CFTR: variants seen among roughly 807,000 people sequenced by gnomAD.
CFTR encodes cystic fibrosis transmembrane conductance regulator.
Under a neutral mutation model 171.6 loss-of-function variants are expected in CFTR, and 181 were observed. That is an observed-to-expected ratio of 1.05 (90% CI 0.93 to 1.19). The LOEUF (loss-of-function observed/expected upper bound fraction) is 1.19. CFTR is among the 50% of genes most tolerant of loss of function. The pLI, the probability that CFTR is intolerant of heterozygous loss-of-function variation, is 0.00. For synonymous variants in CFTR, 583 were observed against 608.0 expected (o/e 0.96, Z 0.60); for missense variants, 1,968 against 1,734.7 (o/e 1.13, Z -2.39).
chr7:117,536,719 A>C, intron 7 of CFTR, 46 bp downstream of exon 7: 1 of 1,510,566 alleles, frequency 6.6e-7, no homozygotes, highest in Non-Finnish European at 9.1e-7. Context: ...TTCTGTCCTT[A>C]ATTTTTTAAA....
intron 17 of CFTR, among the ~76,000 whole-genome samples, chr7:117,605,964 T>C (rs1792293526): frequency 6.6e-6 from 1 of 152,210 alleles, no homozygotes; most frequent in Non-Finnish European, 1.5e-5. Context: ...TTAATTCCTG[T>C]CTAGACAATG....
chr7:117,565,698 T>G (rs1791591008), intron 11 of CFTR, among the ~76,000 whole-genome samples: 1 of 152,156 alleles, frequency 6.6e-6, no homozygotes, highest in Non-Finnish European at 1.5e-5. Context: ...AAAAATTTAT[T>G]TACAGTGTAA....
chr7:117,542,162 G>A, intron 9 of CFTR, 54 bp downstream of exon 9: 1 of 855,980 alleles, frequency 1.2e-6, no homozygotes, highest in Non-Finnish European at 2.0e-6. Context: ...TTTCTTCTTT[G>A]TGAATATGGA....
intron 24 of CFTR, among the ~76,000 whole-genome samples, chr7:117,660,014 T>C (rs1304828593): frequency 3.3e-5 from 5 of 150,428 alleles, no homozygotes; most frequent in African/African-American, 1.2e-4. Context: ...TTTGAATCCT[T>C]TACAAACTCT....
intron 1 of CFTR, among the ~76,000 whole-genome samples, chr7:117,480,566 A>G (rs955866201): frequency 1.3e-5 from 2 of 152,196 alleles, no homozygotes; most frequent in African/African-American, 4.8e-5. Context: ...AAGTGCTCAG[A>G]AAACATTTCT....
chr7:117,544,127 A>C (rs1179708060), intron 9 of CFTR, among the ~76,000 whole-genome samples: 1 of 152,110 alleles, frequency 6.6e-6, no homozygotes, highest in East Asian at 1.9e-4. Flanking sequence ...AAGAACAATA[A>C]TTTTATTCTC....
rs397508643 is a variant in CFTR, at chr7:117,652,890, G to T, written c.3922G>T (p.Glu1308Ter). 2 of 1,605,994 alleles carry T rather than the reference G, an allele frequency of 1.2e-6. No homozygotes were observed. The highest frequency in any genetic ancestry group is 1.7e-5 in the Admixed American group (1 of 59,904). ...GTFRKNLDPY[E>*]QWSDQEIWKV... ...ATTTAGAAAAAACTTGGATCCCTATGAACAGTGGAGTGATCAAGAAATATG... is the reference window on the plus strand; with the variant it reads ...ATTTAGAAAAAACTTGGATCCCTATTAACAGTGGAGTGATCAAGAAATATG... The change falls in exon 24 of 27, where the codon GAA becomes TAA. Residue 1308 changes from glutamate to a stop codon, truncating the protein, a stop_gained. Coordinates refer to ENST00000003084, the MANE Select transcript of CFTR (RefSeq NM_000492.4). LOFTEE classifies it high-confidence loss of function.
intron 14 of CFTR, among the ~76,000 whole-genome samples, chr7:117,592,869 T>C (rs139800122): frequency 7.9e-5 from 12 of 152,188 alleles, no homozygotes; most frequent in African/African-American, 2.9e-4. Context: ...TCTCTTCCCA[T>C]AAAATGGGAA....
intron 3 of CFTR, among the ~76,000 whole-genome samples, chr7:117,524,767 G>A (rs1317765278): frequency 6.6e-6 from 1 of 152,152 alleles, no homozygotes; most frequent in Non-Finnish European, 1.5e-5. Context: ...TATGGCAATG[G>A]GCAAATATCC....
chr7:117,661,958 C>T (rs1793294826), intron 24 of CFTR, among the ~76,000 whole-genome samples: 1 of 142,004 alleles, frequency 7.0e-6, no homozygotes, highest in Non-Finnish European at 1.5e-5. Context: ...TTAAGCCAGA[C>T]CTTTTCTTGC....
chr7:117,556,145 A>G (rs1799349045), intron 10 of CFTR, among the ~76,000 whole-genome samples: 1 of 152,014 alleles, frequency 6.6e-6, no homozygotes, highest in African/African-American at 2.4e-5. Flanking sequence ...GCTCACTGCA[A>G]CCTCTGCCTC....
At chr7:117,515,161 C>G (rs1294194152) in intron 3 of CFTR, among the ~76,000 whole-genome samples, 1 of 152,120 alleles carries the variant, frequency 6.6e-6, no homozygotes, top group Non-Finnish European at 1.5e-5. Flanking sequence ...TTAATTAGAT[C>G]CAATTTGTCA....
chr7:117,523,523 C>T (rs918971977), intron 3 of CFTR, among the ~76,000 whole-genome samples: 1 of 151,952 alleles, frequency 6.6e-6, no homozygotes, highest in African/African-American at 2.4e-5. Flanking sequence ...ACTACAGGCG[C>T]CCGCCTCCAC....
chr7:117,551,815 C>T (rs1370154919), intron 10 of CFTR, among the ~76,000 whole-genome samples: 1 of 152,144 alleles, frequency 6.6e-6, no homozygotes, highest in African/African-American at 2.4e-5. Context: ...TTCAGTCCTT[C>T]TGTTGTCTGC....
chr7:117,601,376 A>G (rs1316521277), intron 15 of CFTR, among the ~76,000 whole-genome samples: 1 of 152,168 alleles, frequency 6.6e-6, no homozygotes, highest in African/African-American at 2.4e-5. Flanking sequence ...ACAATGAAGA[A>G]AAGTAGGAAA....
At chr7:117,587,914 C>A in intron 12 of CFTR, 81 bp downstream of exon 12, 1 of 861,478 alleles carries the variant, frequency 1.2e-6, no homozygotes, top group Non-Finnish European at 2.0e-6. Context: ...TTCTCTATTG[C>A]TTTATATTCT....
intron 24 of CFTR, among the ~76,000 whole-genome samples, chr7:117,660,665 T>TATGTG (rs1485375422): frequency 1.2e-4 from 18 of 146,276 alleles, no homozygotes; most frequent in African/African-American, 4.5e-4. Flanking sequence ...TGGGGATATA[T>TATGTG]ATGTGTGTGT....
At chr7:117,484,447 C>G (rs937620179) in intron 1 of CFTR, among the ~76,000 whole-genome samples, 14 of 152,274 alleles carry the variant, frequency 9.2e-5, no homozygotes, top group African/African-American at 3.1e-4. Flanking sequence ...AGGGGCCCAC[C>G]TCTGGGATAG....
intron 11 of CFTR, among the ~76,000 whole-genome samples, chr7:117,585,946 A>G (rs1174878929): frequency 6.6e-6 from 1 of 152,174 alleles, no homozygotes; most frequent in Non-Finnish European, 1.5e-5. Context: ...GCCCAACCAG[A>G]TTTAGTTTTT....
Sources: gnomAD v4.1 joint callset for allele counts (sites outside exome capture counted in the v4.1 genomes callset) on GRCh38, gnomAD v4.1.1 for gene constraint, MANE v1.5 for transcripts, NCBI Gene and HGNC (gene_info 2026-07-23, HGNC 2026-07-21) for gene names.